The following SLCO6A1 variants were observed in gnomAD, a reference collection of about 807,000 sequenced individuals.
The protein encoded by SLCO6A1 is solute carrier organic anion transporter family member 6A1, also known as cancer/testis antigen 48.
In SLCO6A1, 65 loss-of-function variants were observed where a neutral mutation model predicts 72.7. That is an observed-to-expected ratio of 0.89 (90% CI 0.73 to 1.10). The LOEUF is 1.10. Ranked by LOEUF, SLCO6A1 falls within the 50% of genes least tolerant of loss-of-function variation. The pLI is 0.00. For missense variants in SLCO6A1, 874 were observed against 872.6 expected (o/e 1.00, Z -0.02); for synonymous variants, 314 against 298.2 (o/e 1.05, Z -0.55).
intron 12 of SLCO6A1, among the ~76,000 whole-genome samples, chr5:102,387,243 T>C (rs892818045): frequency 6.6e-6 from 1 of 152,196 alleles, no homozygotes; most frequent in Non-Finnish European, 1.5e-5. Flanking sequence ...TTTAAAAATA[T>C]ACTGGCTTAC....
At chr5:102,439,201 A>C (rs2112682069) in intron 6 of SLCO6A1, among the ~76,000 whole-genome samples, 1 of 152,048 alleles carries the variant, frequency 6.6e-6, no homozygotes, top group South Asian at 2.1e-4. Flanking sequence ...CTCAAGAAAA[A>C]CCAGTAGGAC....
chr5:102,460,634 C>T (rs1367641305), intron 4 of SLCO6A1, among the ~76,000 whole-genome samples: 1 of 151,874 alleles, frequency 6.6e-6, no homozygotes. Context: ...ACATTTAAGA[C>T]CCCCTCCAAA....
At chr5:102,440,072 T>C (rs1222531515) in intron 6 of SLCO6A1, among the ~76,000 whole-genome samples, 2 of 152,172 alleles carry the variant, frequency 1.3e-5, no homozygotes, top group South Asian at 2.1e-4. Flanking sequence ...ACTTTTGCCT[T>C]GGGACTCAGT....
intron 4 of SLCO6A1, 149 bp downstream of exon 4, chr5:102,475,548 C>T (rs1182655638): frequency 2.0e-6 from 1 of 502,582 alleles, no homozygotes; most frequent in African/African-American, 2.0e-5. Flanking sequence ...TTTATATGTA[C>T]AAATATGTGC....
chr5:102,467,254 CA>C (rs777183794), intron 4 of SLCO6A1, among the ~76,000 whole-genome samples: 156 of 151,786 alleles, frequency 1.0e-3, no homozygotes, highest in Non-Finnish European at 2.0e-3. Context: ...TCGTCTTTAC[CA>C]AAAATACAAA....
chr5:102,452,774 T>C (rs982864137), intron 6 of SLCO6A1, among the ~76,000 whole-genome samples: 2 of 152,184 alleles, frequency 1.3e-5, no homozygotes, highest in Non-Finnish European at 2.9e-5. Context: ...TTAAAATCTA[T>C]GCCTAGACAC....
At chr5:102,456,879 G>T (rs950126221) in intron 6 of SLCO6A1, among the ~76,000 whole-genome samples, 4 of 152,146 alleles carry the variant, frequency 2.6e-5, no homozygotes, top group Admixed American at 2.6e-4. Context: ...TACCAAAACA[G>T]CATGGTACTG....
At chr5:102,377,812 T>C (rs1049310086) in intron 12 of SLCO6A1, among the ~76,000 whole-genome samples, 1 of 151,732 alleles carries the variant, frequency 6.6e-6, no homozygotes, top group African/African-American at 2.4e-5. Context: ...TCTGGGACTA[T>C]AGGTGTGAGC....
At chr5:102,410,171 C>T (rs2112579513) in intron 9 of SLCO6A1, among the ~76,000 whole-genome samples, 1 of 152,264 alleles carries the variant, frequency 6.6e-6, no homozygotes, top group South Asian at 2.1e-4. Context: ...TGGGTAGCTC[C>T]TCTCTGTAGG....
At chr5:102,485,129 T>A (rs1752387591) in intron 1 of SLCO6A1, among the ~76,000 whole-genome samples, 1 of 152,100 alleles carries the variant, frequency 6.6e-6, no homozygotes, top group Admixed American at 6.6e-5. Context: ...CATCTGCCTG[T>A]AATCCCAGCT....
rs187363676 is a variant in SLCO6A1, at chr5:102,439,235, C to G, written c.1132-474G>C. Among the ~76,000 whole-genome samples, 325 of 151,912 alleles carry G rather than the reference C, an allele frequency of 2.1e-3. 3 individuals carry two copies. Among genetic ancestry groups the G allele is most frequent in the African/African-American group, 7.5e-3 (309 of 41,456 alleles). ...ACTGCAGAAAATGTTTTATATTTTA[C>G]TCCTGGAAATCTACCTATACAAATA... On this transcript the variant is annotated intron_variant, in intron 6 of 13. Transcript: ENST00000506729.
rs201868999 is a variant in SLCO6A1 at position 102,411,214 on chromosome 5, AAT to A, written c.1626+1774_1626+1775del. Among the ~76,000 whole-genome samples the A allele has an allele frequency of 1.3e-4, 19 of 151,710 alleles. No homozygotes were observed. In the East Asian group the frequency reaches 1.7e-3, roughly 14 times the overall value. On this transcript the variant is annotated intron_variant, in intron 9 of 13. Coordinates refer to ENST00000506729, the MANE Select transcript of SLCO6A1 (RefSeq NM_173488.5). ...TAAAACAATAAAGTTGGGATGATGTAATATATATATATGTGTGTGTGTGTTTG... is the reference window on the plus strand; with the variant it reads ...TAAAACAATAAAGTTGGGATGATGTAATATATATATGTGTGTGTGTGTTTG...
chr5:102,468,542 T>C (rs961221343), intron 4 of SLCO6A1, among the ~76,000 whole-genome samples: 1 of 152,122 alleles, frequency 6.6e-6, no homozygotes, highest in Admixed American at 6.6e-5. Flanking sequence ...TTTAGGATTG[T>C]GACATTTTCC....
At chr5:102,449,644 C>A (rs770588668) in intron 6 of SLCO6A1, among the ~76,000 whole-genome samples, 23 of 152,236 alleles carry the variant, frequency 1.5e-4, no homozygotes, top group Non-Finnish European at 2.6e-4. Flanking sequence ...CCTCGGCCCC[C>A]CAAAGTGCTG....
chr5:102,411,631 C>G (rs1747987665), intron 9 of SLCO6A1, among the ~76,000 whole-genome samples: 1 of 150,940 alleles, frequency 6.6e-6, no homozygotes, highest in Non-Finnish European at 1.5e-5. Context: ...AAACTCCTAT[C>G]TAAGGGATCT....
rs185474981 is a variant in SLCO6A1 at position 102,401,504 on chromosome 5, T to G, written c.1627-1762A>C. ...GCAAGGGTAAAAGCAGATAAAACAGTTAAAAGTCTATAAAATAAAGTACAA... is the reference window on the plus strand; with the variant it reads ...GCAAGGGTAAAAGCAGATAAAACAGGTAAAAGTCTATAAAATAAAGTACAA... On this transcript the variant is annotated intron_variant, in intron 9 of 13. Coordinates refer to ENST00000506729, the MANE Select transcript of SLCO6A1 (RefSeq NM_173488.5). Among the ~76,000 whole-genome samples, 736 of 152,168 alleles carry G rather than the reference T, an allele frequency of 4.8e-3. 7 individuals are homozygous for G. The highest frequency in any genetic ancestry group is 0.017 in the African/African-American group (710 of 41,542).
At chr5:102,387,361 C>T (rs1016251118) in intron 12 of SLCO6A1, among the ~76,000 whole-genome samples, 3 of 152,170 alleles carry the variant, frequency 2.0e-5, no homozygotes, top group African/African-American at 7.2e-5. Flanking sequence ...CAATAGCTCC[C>T]TACTGGAATC....
chr5:102,401,940 G>C (rs897547163), intron 9 of SLCO6A1, among the ~76,000 whole-genome samples: 1 of 151,950 alleles, frequency 6.6e-6, no homozygotes, highest in Non-Finnish European at 1.5e-5. Context: ...AATAGTTGTA[G>C]GCCATACAAC....
chr5:102,490,388 T>TA (rs1422301932), intron 1 of SLCO6A1, among the ~76,000 whole-genome samples: 1 of 152,178 alleles, frequency 6.6e-6, no homozygotes. Flanking sequence ...ATATGTCAAT[T>TA]AAAAAATAAA....
Sources: allele counts gnomAD v4.1 joint callset (sites outside exome capture counted in the v4.1 genomes callset), GRCh38; gene constraint gnomAD v4.1.1; transcripts MANE v1.5; gene names NCBI Gene and HGNC (gene_info 2026-07-23, HGNC 2026-07-21).